SLC10A7: variants seen among roughly 807,000 people sequenced by gnomAD.
The protein encoded by SLC10A7 is solute carrier family 10 member 7.
Under a neutral mutation model 43.2 loss-of-function variants are expected in SLC10A7, and 29 were observed. The ratio of observed to expected loss-of-function variants is 0.67; its 90% confidence interval spans 0.50 to 0.92. The LOEUF (loss-of-function observed/expected upper bound fraction) is 0.92, where lower values mean the gene tolerates loss of function less well. SLC10A7 is among the 40% of genes least tolerant of loss of function. The pLI is 0.00. For missense variants in SLC10A7, 295 were observed against 403.2 expected (o/e 0.73, Z 2.30); for synonymous variants, 152 against 144.8 (o/e 1.05, Z -0.35).
At chr4:146,308,277 C>T (rs1465058142) in intron 6 of SLC10A7, among the ~76,000 whole-genome samples, 1 of 152,148 alleles carries the variant, frequency 6.6e-6, no homozygotes, top group Non-Finnish European at 1.5e-5. Context: ...GGAAGGAAAC[C>T]TCAGTACTGG....
At chr4:146,462,231 T>C (rs925973479) in intron 4 of SLC10A7, among the ~76,000 whole-genome samples, 1 of 152,124 alleles carries the variant, frequency 6.6e-6, no homozygotes, top group African/African-American at 2.4e-5. Context: ...CTCAAATATT[T>C]ATATGGGGAA....
intron 5 of SLC10A7, among the ~76,000 whole-genome samples, chr4:146,418,357 T>C (rs901235623): frequency 1.3e-5 from 2 of 152,178 alleles, no homozygotes; most frequent in Non-Finnish European, 2.9e-5. Flanking sequence ...GGTGTGAAAG[T>C]CAGCTGCAGG....
intron 3 of SLC10A7, among the ~76,000 whole-genome samples, chr4:146,507,144 T>C (rs1168619578): frequency 6.6e-6 from 1 of 152,234 alleles, no homozygotes; most frequent in Non-Finnish European, 1.5e-5. Flanking sequence ...AGAATTCATA[T>C]GTTTTCTGAA....
chr4:146,419,208 C>T (rs1364958242), intron 5 of SLC10A7, among the ~76,000 whole-genome samples: 1 of 152,090 alleles, frequency 6.6e-6, no homozygotes, highest in African/African-American at 2.4e-5. Flanking sequence ...CAACCTTCAG[C>T]CCAGGAGGTT....
At chr4:146,280,980 A>T (rs1263200522) in intron 10 of SLC10A7, among the ~76,000 whole-genome samples, 1 of 152,164 alleles carries the variant, frequency 6.6e-6, no homozygotes, top group Non-Finnish European at 1.5e-5. Flanking sequence ...CATGTTATGA[A>T]AGTAGCTAAG....
At chr4:146,442,649 A>G (rs1730692403) in intron 5 of SLC10A7, 134 bp downstream of exon 5, 10 of 1,502,612 alleles carry the variant, frequency 6.7e-6, no homozygotes, top group Non-Finnish European at 8.8e-6. Context: ...GGGTATGGAT[A>G]CTGGCACATG....
chr4:146,261,758 TA>T (rs1728239226), intron 10 of SLC10A7, among the ~76,000 whole-genome samples: 1 of 152,126 alleles, frequency 6.6e-6, no homozygotes, highest in Non-Finnish European at 1.5e-5. Context: ...TGAATAATGT[TA>T]AAAATATGTT....
intron 4 of SLC10A7, among the ~76,000 whole-genome samples, chr4:146,490,584 T>C (rs1051953289): frequency 1.3e-5 from 2 of 152,330 alleles, no homozygotes; most frequent in African/African-American, 4.8e-5. Context: ...AAGGCAACTA[T>C]AGTGAGATTG....
chr4:146,515,562 A>C (rs900877802), intron 2 of SLC10A7, among the ~76,000 whole-genome samples: 2 of 152,180 alleles, frequency 1.3e-5, no homozygotes, highest in African/African-American at 4.8e-5. Context: ...ACAATTCTTG[A>C]GACACAATTT....
At chr4:146,497,572 C>T (rs934438449) in intron 4 of SLC10A7, among the ~76,000 whole-genome samples, 46 of 152,122 alleles carry the variant, frequency 3.0e-4, no homozygotes, top group African/African-American at 1.0e-3. Context: ...TCACATTTTT[C>T]GGCAATGGCT....
rs989092425 is a variant in SLC10A7, at chr4:146,294,043, C to G, written c.608G>C (p.Gly203Ala). 3 of 1,611,102 alleles carry G rather than the reference C, an allele frequency of 1.9e-6. No homozygotes were observed. Among genetic ancestry groups the G allele is most frequent in the Non-Finnish European group, 2.5e-6 (3 of 1,178,094 alleles). Reference sequence around the variant, plus strand: ...GAGGAGTACACTGCTGCTGATAGCACCAAAAGGAGGCTTCTTTCTCTCAAG... The same window carrying G: ...GAGGAGTACACTGCTGCTGATAGCAGCAAAAGGAGGCTTCTTTCTCTCAAG... ...DWLERKKPPF[G>A]AISSSVLLMI... Residue 203 changes from glycine to alanine, a missense_variant, in exon 8 of 12, where the codon GGT (glycine) becomes GCT (alanine). Physicochemically the swap from Gly to Ala is moderately conservative, Grantham distance 60. Transcript: ENST00000335472.
intron 5 of SLC10A7, among the ~76,000 whole-genome samples, chr4:146,339,643 A>G (rs1734118125): frequency 6.6e-6 from 1 of 151,904 alleles, no homozygotes; most frequent in Admixed American, 6.6e-5. Context: ...TTCCTTCCCT[A>G]TCTACCTCTC....
intron 4 of SLC10A7, among the ~76,000 whole-genome samples, chr4:146,494,048 T>G (rs2150011386): frequency 6.6e-6 from 1 of 152,366 alleles, no homozygotes; most frequent in East Asian, 1.9e-4. Flanking sequence ...AAAACCCAGT[T>G]ATTTCATCAG....
At chr4:146,364,886 G>A (rs1456437807) in intron 5 of SLC10A7, among the ~76,000 whole-genome samples, 1 of 151,826 alleles carries the variant, frequency 6.6e-6, no homozygotes, top group African/African-American at 2.4e-5. Context: ...AAAATCATAT[G>A]TACCCCATAA....
chr4:146,492,338 G>A (rs1397898711), intron 4 of SLC10A7, among the ~76,000 whole-genome samples: 1 of 151,948 alleles, frequency 6.6e-6, no homozygotes, highest in Non-Finnish European at 1.5e-5. Context: ...GACTCCTTTG[G>A]CCTATACAAT....
intron 4 of SLC10A7, among the ~76,000 whole-genome samples, chr4:146,468,810 G>T (rs868527552): frequency 6.6e-6 from 1 of 152,044 alleles, no homozygotes. Context: ...ATAATTTACT[G>T]TGATTTTAAA....
chr4:146,343,198 A>ATCT (rs1206114972), intron 5 of SLC10A7, among the ~76,000 whole-genome samples: 1 of 152,018 alleles, frequency 6.6e-6, no homozygotes, highest in Non-Finnish European at 1.5e-5. Flanking sequence ...CAGTACTGTA[A>ATCT]TCTTCTTGGG....
chr4:146,468,262 C>T (rs1420796464), intron 4 of SLC10A7, among the ~76,000 whole-genome samples: 1 of 152,038 alleles, frequency 6.6e-6, no homozygotes, highest in Non-Finnish European at 1.5e-5. Context: ...TTAACTATAT[C>T]ATCATCAATA....
Position 146,264,265 on chromosome 4 carries a change from T to C in SLC10A7, c.848-5428A>G, listed in dbSNP as rs116579816. 3.8e-3 allele frequency among the ~76,000 whole-genome samples: 583 copies of C among 152,366 alleles called. 2 individuals are homozygous for C. The highest frequency in any genetic ancestry group is 5.7e-3 in the Non-Finnish European group (388 of 68,040). On this transcript the variant is annotated intron_variant, in intron 10 of 11. Coordinates refer to ENST00000335472, the MANE Select transcript of SLC10A7 (RefSeq NM_001029998.6). ...TTCCCTTTGTATCAGTGTTCAAGCT[T>C]CAATAATAACTACTTTCTATTGGAT...
Sources: gnomAD v4.1 joint callset for allele counts (sites outside exome capture counted in the v4.1 genomes callset) on GRCh38, gnomAD v4.1.1 for gene constraint, MANE v1.5 for transcripts, NCBI Gene and HGNC (gene_info 2026-07-23, HGNC 2026-07-21) for gene names.